The following KIF2A variants were observed in gnomAD, a reference collection of about 807,000 sequenced individuals.
The protein encoded by KIF2A is kinesin family member 2A.
In KIF2A, 22 loss-of-function variants were observed where a neutral mutation model predicts 100.2. That is an observed-to-expected ratio of 0.22 (90% confidence interval 0.16 to 0.31). KIF2A has a LOEUF of 0.31. Among genes scored for constraint, KIF2A ranks in the 10% least tolerant of loss-of-function variants. KIF2A has a pLI of 1.00. For synonymous variants in KIF2A, 268 were observed against 285.9 expected, an observed-to-expected ratio of 0.94 and a Z score of 0.63; for missense variants, 495 against 898.7, an observed-to-expected ratio of 0.55 and a Z score of 5.74.
intron 16 of KIF2A, 56 bp from the exon 17 acceptor site, chr5:62,372,382 C>CGG: frequency 1.2e-6 from 1 of 845,774 alleles, no homozygotes; most frequent in South Asian, 1.5e-5. Flanking sequence ...GTGCAATGTG[C>CGG]ATTGCTGTCT....
chr5:62,386,009 C>T lies in KIF2A; in HGVS notation c.*440C>T, dbSNP rs147670493. The stretch of plus-strand genomic sequence containing the variant: ...GTGATTGTACATACCTTGCCCACTC[C>T]TAGAGACAGCTGTGCTCACCTTTTC... On this transcript the variant is annotated 3_prime_UTR_variant, in exon 21 of 21. Coordinates refer to ENST00000407818, the MANE Select transcript of KIF2A (RefSeq NM_001098511.3). 34 of 155,410 alleles carry T rather than the reference C, an allele frequency of 2.2e-4. 1 individual carries two copies. The East Asian group carries it at 6.2e-3, about 28-fold the overall frequency. 9.6% of individuals were successfully genotyped at this position (155,410 alleles called of 1,614,324 possible).
chr5:62,351,751 A>G (rs755492069), intron 4 of KIF2A, among the ~76,000 whole-genome samples: 1 of 152,162 alleles, frequency 6.6e-6, no homozygotes, highest in Non-Finnish European at 1.5e-5. Flanking sequence ...AGATTTGCAT[A>G]TTTGAGGAGC....
intron 10 of KIF2A, 24 bp from the exon 11 acceptor site, chr5:62,361,442 C>G (rs1561273375): frequency 6.7e-7 from 1 of 1,502,170 alleles, no homozygotes; most frequent in Non-Finnish European, 9.2e-7. Flanking sequence ...AATGTCTGTT[C>G]TTTATTTTCT....
chr5:62,319,823 T>G (rs983857622), intron 1 of KIF2A, among the ~76,000 whole-genome samples: 5 of 152,218 alleles, frequency 3.3e-5, no homozygotes, highest in African/African-American at 9.6e-5. Flanking sequence ...CTCTTTAAGT[T>G]TAATTGCCTG....
At chr5:62,349,367 C>G (rs1747733631) in intron 3 of KIF2A, among the ~76,000 whole-genome samples, 1 of 151,180 alleles carries the variant, frequency 6.6e-6, no homozygotes, top group Admixed American at 6.6e-5. Context: ...TTTATGGGCC[C>G]CACTCCCAGA....
chr5:62,310,540 A>G (rs1263461103), intron 1 of KIF2A, among the ~76,000 whole-genome samples: 1 of 152,072 alleles, frequency 6.6e-6, no homozygotes, highest in East Asian at 1.9e-4. Context: ...GAAACCTTCC[A>G]TCTGTGCTCC....
chr5:62,369,217 C>T (rs1280291777), intron 16 of KIF2A, among the ~76,000 whole-genome samples: 1 of 152,186 alleles, frequency 6.6e-6, no homozygotes, highest in African/African-American at 2.4e-5. Flanking sequence ...CTGTATTAAT[C>T]GGTTCTCACA....
chr5:62,345,309 A>G (rs1362918639), intron 1 of KIF2A, among the ~76,000 whole-genome samples: 1 of 150,380 alleles, frequency 6.6e-6, no homozygotes, highest in Non-Finnish European at 1.5e-5. Context: ...AATTGCTTGA[A>G]CCCCAGACAC....
chr5:62,362,175 GAAT>G (rs1445836231), intron 11 of KIF2A, among the ~76,000 whole-genome samples: 1 of 151,134 alleles, frequency 6.6e-6, no homozygotes. Context: ...TATGGTATAA[GAAT>G]AACCTCATTA....
At chr5:62,360,423 G>T (rs1047433106) in intron 9 of KIF2A, among the ~76,000 whole-genome samples, 1 of 152,234 alleles carries the variant, frequency 6.6e-6, no homozygotes, top group East Asian at 1.9e-4. Flanking sequence ...GGTGGCTCAT[G>T]CCTGTAATCC....
chr5:62,350,805 G>C (rs1747811929), intron 4 of KIF2A, among the ~76,000 whole-genome samples: 1 of 151,902 alleles, frequency 6.6e-6, no homozygotes. Flanking sequence ...CCAGCTACTT[G>C]GGAGGCTGAG....
At chr5:62,309,301 A>G (rs535835081) in intron 1 of KIF2A, among the ~76,000 whole-genome samples, 3 of 152,336 alleles carry the variant, frequency 2.0e-5, no homozygotes, top group East Asian at 3.9e-4. Flanking sequence ...CGGTTTGCCT[A>G]TAAGAAATTA....
chr5:62,345,248 TGTG>T (rs1747499131), intron 1 of KIF2A, among the ~76,000 whole-genome samples: 1 of 151,736 alleles, frequency 6.6e-6, no homozygotes, highest in Admixed American at 6.6e-5. Flanking sequence ...ATTAGCCCAT[TGTG>T]GTGGCACGTG....
At chr5:62,383,595 G>A (rs548621143) in intron 20 of KIF2A, among the ~76,000 whole-genome samples, 1 of 152,244 alleles carries the variant, frequency 6.6e-6, no homozygotes, top group Non-Finnish European at 1.5e-5. Flanking sequence ...TTGCTGACTG[G>A]TTATGAAGTT....
intron 19 of KIF2A, among the ~76,000 whole-genome samples, chr5:62,378,430 TA>T (rs901882697): frequency 1.3e-5 from 2 of 152,206 alleles, no homozygotes; most frequent in African/African-American, 4.8e-5. Context: ...CACCCTCCTG[TA>T]ATACTATGAA....
chr5:62,380,118 C>T (rs373003450), intron 19 of KIF2A, among the ~76,000 whole-genome samples: 2 of 152,170 alleles, frequency 1.3e-5, no homozygotes, highest in Non-Finnish European at 2.9e-5. Context: ...ATCTTGAACT[C>T]CTGACCTCAA....
rs577109946 is a variant in KIF2A at position 62,362,573 on chromosome 5, T to A, written c.1119+32T>A. ...GGGAACTTTTTTAATTTTAATTTTT[T>A]AAAATATATATATAACATAACATTT... On this transcript the variant is annotated intron_variant, in intron 12 of 20. Coordinates refer to ENST00000407818, the MANE Select transcript of KIF2A (RefSeq NM_001098511.3). 9.6e-6 allele frequency: 9 copies of A among 941,750 alleles called. No homozygotes were observed. In the African/African-American group the frequency reaches 1.1e-4, roughly 11 times the overall value. The allele number at this position is 941,750 out of a possible 1,614,324, so 58.3% of individuals were successfully genotyped here. A position where few individuals can be genotyped will look rare whatever the true frequency, so the allele number is the denominator to read the frequency against.
intron 18 of KIF2A, among the ~76,000 whole-genome samples, chr5:62,374,886 C>A (rs1308233002): frequency 6.6e-6 from 1 of 152,104 alleles, no homozygotes; most frequent in Non-Finnish European, 1.5e-5. Context: ...GAGATCCCAC[C>A]ACTGCACTCC....
At chr5:62,315,019 T>G (rs1191474664) in intron 1 of KIF2A, among the ~76,000 whole-genome samples, 3 of 151,950 alleles carry the variant, frequency 2.0e-5, no homozygotes, top group Non-Finnish European at 4.4e-5. Flanking sequence ...TGCCTCAGCC[T>G]CCCAAAGTGT....
Sources: gnomAD v4.1 joint callset for allele counts (sites outside exome capture counted in the v4.1 genomes callset) on GRCh38, gnomAD v4.1.1 for gene constraint, MANE v1.5 for transcripts, NCBI Gene and HGNC (gene_info 2026-07-23, HGNC 2026-07-21) for gene names.